ITGAV: variants seen among roughly 807,000 people sequenced by gnomAD.
ITGAV encodes integrin subunit alpha V, also known as integrin alpha-V.
In ITGAV, 76 loss-of-function variants were observed where a neutral mutation model predicts 143.8. The ratio of observed to expected loss-of-function variants is 0.53; its 90% confidence interval spans 0.44 to 0.64. The LOEUF (loss-of-function observed/expected upper bound fraction) is 0.64, where lower values mean the gene tolerates loss of function less well. Ranked by LOEUF, ITGAV falls within the 30% of genes least tolerant of loss-of-function variation. The pLI is 0.00. For missense variants in ITGAV, 1,193 were observed against 1,274.7 expected, an observed-to-expected ratio of 0.94 and a Z score of 0.98; for synonymous variants, 453 against 446.7, an observed-to-expected ratio of 1.01 and a Z score of -0.18.
At chr2:186,676,692 A>G in intron 28 of ITGAV, 121 bp from the exon 29 acceptor site, 1 of 1,078,942 alleles carries the variant, frequency 9.3e-7, no homozygotes, top group South Asian at 1.8e-5. Context: ...CCACTAAATT[A>G]TCATATGCAG....
chr2:186,650,078 G>C (rs1050905021), intron 14 of ITGAV, among the ~76,000 whole-genome samples, 193 bp downstream of exon 14: 3 of 152,004 alleles, frequency 2.0e-5, no homozygotes, highest in African/African-American at 7.2e-5. Context: ...TATTTATGGG[G>C]TACATGTGAT....
intron 12 of ITGAV, among the ~76,000 whole-genome samples, chr2:186,643,946 T>G (rs1688178809): frequency 6.6e-6 from 1 of 152,170 alleles, no homozygotes; most frequent in South Asian, 2.1e-4. Flanking sequence ...AATGAATACT[T>G]TATTTATTAT....
intron 25 of ITGAV, 62 bp from the exon 26 acceptor site, chr2:186,669,639 A>G (rs1440217785): frequency 1.6e-5 from 18 of 1,126,004 alleles, no homozygotes; most frequent in Non-Finnish European, 2.2e-5. Context: ...TTATATCAAA[A>G]TGCTGATGTA....
intron 5 of ITGAV, among the ~76,000 whole-genome samples, chr2:186,632,741 A>C (rs1453086718): frequency 1.3e-5 from 2 of 152,168 alleles, no homozygotes; most frequent in Non-Finnish European, 2.9e-5. Context: ...CTGTATAGTC[A>C]CAAATTTAAT....
chr2:186,592,860 A>AG (rs1686651997), intron 1 of ITGAV, among the ~76,000 whole-genome samples: 1 of 152,118 alleles, frequency 6.6e-6, no homozygotes, highest in Non-Finnish European at 1.5e-5. Flanking sequence ...ACCAACCTTG[A>AG]ATTTTTTTCT....
intron 25 of ITGAV, 28 bp from the exon 26 acceptor site, chr2:186,669,673 C>T (rs772356563): frequency 6.9e-7 from 1 of 1,441,976 alleles, no homozygotes; most frequent in African/African-American, 1.4e-5. Context: ...TATCATTTAC[C>T]ACCATTTTAT....
Position 186,597,151 on chromosome 2 carries a change from A to G in ITGAV, c.186-4870A>G, listed in dbSNP as rs533185582. 6.6e-5 allele frequency among the ~76,000 whole-genome samples: 10 copies of G among 152,178 alleles called. No individual in the cohort carries two copies. In the East Asian group the frequency reaches 1.9e-3, roughly 29 times the overall value. Reference sequence around the variant, plus strand: ...GCTTGTTCCTGGTATTATTCAAGGAACTCATGCTATGTGCTGCCAATAGAG... The same window carrying G: ...GCTTGTTCCTGGTATTATTCAAGGAGCTCATGCTATGTGCTGCCAATAGAG... On this transcript the variant is annotated intron_variant, in intron 1 of 29. Coordinates refer to ENST00000261023, the MANE Select transcript of ITGAV (RefSeq NM_002210.5).
At chr2:186,632,323 C>T (rs960666949) in intron 5 of ITGAV, among the ~76,000 whole-genome samples, 3 of 152,048 alleles carry the variant, frequency 2.0e-5, no homozygotes, top group African/African-American at 7.2e-5. Flanking sequence ...CCCAGAAGTA[C>T]TCTCATACTG....
intron 2 of ITGAV, among the ~76,000 whole-genome samples, chr2:186,612,637 T>C (rs1687246810): frequency 1.3e-5 from 2 of 152,184 alleles, no homozygotes; most frequent in Non-Finnish European, 2.9e-5. Flanking sequence ...TTGTATTTAA[T>C]AGAGAATATA....
At position 186,649,858 on chromosome 2, in the gene ITGAV, T is replaced by C. The variant is rs778984947; in HGVS notation, c.1370T>C (p.Phe457Ser). 6.3e-7 allele frequency: 1 copy of C among 1,595,842 alleles called. No individual in the cohort carries two copies. The change falls in exon 14 of 30, where the codon TTT becomes TCT. Residue 457 changes from phenylalanine (F) to serine (S), a missense_variant. Phe to Ser is a radical substitution (Grantham distance 155). Transcript: ENST00000261023. Reference sequence around the variant, plus strand: ...TCTTAAGACTTAATTGTAGGAGCTTTTGGTGTAGATCGAGCTATCTTATAC... The same window carrying C: ...TCTTAAGACTTAATTGTAGGAGCTTCTGGTGTAGATCGAGCTATCTTATAC... ...NGYPDLIVGAFGVDRAILYRA... is the reference protein window; with the variant it reads ...NGYPDLIVGASGVDRAILYRA...
intron 10 of ITGAV, among the ~76,000 whole-genome samples, chr2:186,639,083 A>G (rs778379140): frequency 9.5e-4 from 145 of 152,284 alleles, no homozygotes; most frequent in Admixed American, 9.5e-3. Flanking sequence ...TATAGATATT[A>G]TAAGCGAACT....
At chr2:186,676,967 G>A in intron 29 of ITGAV, 32 bp downstream of exon 29, 1 of 1,603,040 alleles carries the variant, frequency 6.2e-7, no homozygotes, top group South Asian at 1.1e-5. Flanking sequence ...AAGGAGAGAG[G>A]GAAAGCAGAA....
rs1157760346 is a variant in ITGAV, at chr2:186,598,433, A to T, written c.186-3588A>T. ...GGGAGGTGGGGACTCTCTTACTCAT[A>T]GCATTTTTTTTTTTTTTTTTTTGAG... On this transcript the variant is annotated intron_variant, in intron 1 of 29. Transcript: ENST00000261023. Among the ~76,000 whole-genome samples, 3 of 122,964 alleles carry T rather than the reference A, an allele frequency of 2.4e-5. No individual in the cohort carries two copies. The East Asian group carries it at 7.5e-4, about 31-fold the overall frequency. The allele number at this position is 122,964 out of a possible 152,430, so 80.7% of individuals were successfully genotyped here.
chr2:186,636,018 C>A (rs1270581449), intron 6 of ITGAV, 64 bp from the exon 7 acceptor site: 6 of 1,391,108 alleles, frequency 4.3e-6, no homozygotes, highest in Admixed American at 2.0e-5. Context: ...AGGTACCATA[C>A]ATTATCTGTA....
chr2:186,591,685 C>T (rs576566235), intron 1 of ITGAV, among the ~76,000 whole-genome samples: 3 of 152,210 alleles, frequency 2.0e-5, no homozygotes, highest in African/African-American at 7.2e-5. Context: ...AGAATTTAGT[C>T]TTAGTGTTTT....
At chr2:186,654,966 T>C (rs1003378004) in intron 16 of ITGAV, among the ~76,000 whole-genome samples, 3 of 152,328 alleles carry the variant, frequency 2.0e-5, no homozygotes, top group Non-Finnish European at 4.4e-5. Context: ...TTTAGAAGTT[T>C]AAGCAGTTAC....
chr2:186,668,244 G>T (rs1221432100), intron 24 of ITGAV, among the ~76,000 whole-genome samples: 3 of 2,364 alleles, frequency 1.3e-3, no homozygotes, highest in Non-Finnish European at 4.1e-3. Flanking sequence ...TTTTTTTTTT[G>T]AGGTGAAGTC....
chr2:186,661,644 T>C (rs1190807125), intron 18 of ITGAV, among the ~76,000 whole-genome samples: 2 of 150,966 alleles, frequency 1.3e-5, no homozygotes, highest in Non-Finnish European at 2.9e-5. Context: ...GTTGCCAGGC[T>C]GAAGTGCAGT....
chr2:186,647,793 A>G (rs1215001249), intron 13 of ITGAV, among the ~76,000 whole-genome samples: 1 of 152,178 alleles, frequency 6.6e-6, no homozygotes, highest in Non-Finnish European at 1.5e-5. Context: ...AATGAAATAC[A>G]GTGTAGAAAA....
Sources: gnomAD v4.1 joint callset for allele counts (sites outside exome capture counted in the v4.1 genomes callset) on GRCh38, gnomAD v4.1.1 for gene constraint, MANE v1.5 for transcripts, NCBI Gene and HGNC (gene_info 2026-07-23, HGNC 2026-07-21) for gene names.